The following MEDAG variants were observed in gnomAD, a reference collection of about 807,000 sequenced individuals.
The protein encoded by MEDAG is mesenteric estrogen-dependent adipogenesis protein.
Under a neutral mutation model 29.9 loss-of-function variants are expected in MEDAG, and 25 were observed. That is an observed-to-expected ratio of 0.84 (90% confidence interval 0.61 to 1.17). The LOEUF is 1.17. Ranked by LOEUF, MEDAG falls within the 50% of genes most tolerant of loss-of-function variation. The pLI, the probability that MEDAG is intolerant of heterozygous loss-of-function variation, is 0.00. For missense variants in MEDAG, 398 were observed against 372.9 expected (o/e 1.07, Z -0.56); for synonymous variants, 158 against 148.2 (o/e 1.07, Z -0.48).
At chr13:30,907,304 C>G (rs537996869) in intron 1 of MEDAG, among the ~76,000 whole-genome samples, 25 of 152,352 alleles carry the variant, frequency 1.6e-4, no homozygotes, top group African/African-American at 5.5e-4. Context: ...TCAAAGTTTC[C>G]CATCTCTGGC....
At chr13:30,919,006 A>C (rs1189717913) in intron 2 of MEDAG, among the ~76,000 whole-genome samples, 1 of 152,228 alleles carries the variant, frequency 6.6e-6, no homozygotes, top group African/African-American at 2.4e-5. Flanking sequence ...AGCCCTCTTC[A>C]TTTTAACATT....
chr13:30,906,712 C>A lies in MEDAG; in HGVS notation c.197C>A (p.Ala66Glu). Residue 66 changes from alanine (A) to glutamate (E), a missense_variant, in exon 1 of 5, where the codon GCG (alanine) becomes GAG (glutamate). Physicochemically the swap from Ala to Glu is moderately radical, Grantham distance 107. Transcript: ENST00000380482. The part of the protein sequence containing the change: ...VVARPGEPAA[A>E]RGGFNVFGDG... ...GCCAGGCCCGGGGAGCCGGCGGCGGCGCGGGGGGGCTTCAACGTCTTCGGT... is the reference window on the plus strand; with the variant it reads ...GCCAGGCCCGGGGAGCCGGCGGCGGAGCGGGGGGGCTTCAACGTCTTCGGT... 1.3e-6 allele frequency: 2 copies of A among 1,514,992 alleles called. No homozygotes were observed. Among genetic ancestry groups the A allele is most frequent in the Non-Finnish European group, 1.8e-6 (2 of 1,140,548 alleles). 93.8% of individuals were successfully genotyped at this position (1,514,992 alleles called of 1,614,324 possible). A position where few individuals can be genotyped will look rare whatever the true frequency, so the allele number is the denominator to read the frequency against.
intron 1 of MEDAG, among the ~76,000 whole-genome samples, chr13:30,908,510 C>T (rs1952850620): frequency 6.6e-6 from 1 of 152,168 alleles, no homozygotes; most frequent in Non-Finnish European, 1.5e-5. Flanking sequence ...TGGAGACAGC[C>T]TTCCAGGCAG....
At chr13:30,920,748 C>A (rs1952975626) in intron 2 of MEDAG, among the ~76,000 whole-genome samples, 1 of 152,154 alleles carries the variant, frequency 6.6e-6, no homozygotes, top group Admixed American at 6.5e-5. Context: ...TCTGAGACTC[C>A]AGTTACAAAC....
At chr13:30,919,733 T>A (rs1298676140) in intron 2 of MEDAG, among the ~76,000 whole-genome samples, 1 of 152,164 alleles carries the variant, frequency 6.6e-6, no homozygotes. Flanking sequence ...AAAGTCAGTG[T>A]AAAACACTGA....
intron 1 of MEDAG, among the ~76,000 whole-genome samples, chr13:30,909,679 T>C (rs1417034344): frequency 6.6e-6 from 1 of 152,184 alleles, no homozygotes; most frequent in African/African-American, 2.4e-5. Flanking sequence ...TCTTTTTAAC[T>C]CAACAAATAT....
chr13:30,913,568 C>T (rs1952900688), intron 1 of MEDAG, among the ~76,000 whole-genome samples: 1 of 152,052 alleles, frequency 6.6e-6, no homozygotes, highest in Admixed American at 6.6e-5. Context: ...TGAAGCCAAG[C>T]TTAGAAACTT....
Position 30,921,057 on chromosome 13 carries a change from A to G in MEDAG, c.432A>G (p.Ile144Met), listed in dbSNP as rs2138127305. The G allele has an allele frequency of 6.2e-7, 1 of 1,614,170 alleles. No homozygotes were observed. Among genetic ancestry groups the G allele is most frequent in the Non-Finnish European group, 8.5e-7 (1 of 1,179,996 alleles). ...TTGTAAACACGAGGCACCCCAAGAT[A>G]AGAAGACAGATAGAGCAAGGGATGG... ...AFLVNTRHPK[I>M]RRQIEQGMDM... The change falls in exon 3 of 5, where the codon ATA becomes ATG. Residue 144 changes from isoleucine to methionine, a missense_variant. By Grantham distance (10) the Ile-to-Met change is conservative (BLOSUM62 1). Transcript: ENST00000380482.
chr13:30,911,347 C>T (rs1952880223), intron 1 of MEDAG, among the ~76,000 whole-genome samples: 1 of 152,232 alleles, frequency 6.6e-6, no homozygotes, highest in Admixed American at 6.5e-5. Flanking sequence ...TGCCACCTGA[C>T]CATCTTTCCT....
chr13:30,920,325 C>T (rs1055039795), intron 2 of MEDAG, among the ~76,000 whole-genome samples: 3 of 152,158 alleles, frequency 2.0e-5, no homozygotes, highest in Non-Finnish European at 4.4e-5. Flanking sequence ...GTGGCTTATG[C>T]CTATAATCCC....
At chr13:30,910,193 A>AACACAC (rs77242350) in intron 1 of MEDAG, among the ~76,000 whole-genome samples, 45,387 of 149,088 alleles carry the variant, frequency 0.3, 7,677 homozygotes, top group East Asian at 0.43. Flanking sequence ...CACACACACA[A>AACACAC]ACACACACAC....
In MEDAG at chr13:30,925,177, GTCCTCCTTATTGAAAACACA is replaced by G. The variant is rs1186634613; in HGVS notation, c.*744_*763del. On this transcript the variant is annotated 3_prime_UTR_variant, in exon 5 of 5. Transcript: ENST00000380482. ...GGGGAAGGGTATTGGACACGGCAGCGTCCTCCTTATTGAAAACACATTATGTCAGTTGGGAATTTTAAATA... is the reference window on the plus strand; with the variant it reads ...GGGGAAGGGTATTGGACACGGCAGCGTTATGTCAGTTGGGAATTTTAAATA... The G allele has an allele frequency of 6.6e-6, 1 of 152,118 alleles. No homozygotes were observed. Among genetic ancestry groups the G allele is most frequent in the African/African-American group, 2.4e-5 (1 of 41,418 alleles). The allele number at this position is 152,118 out of a possible 1,614,324, so 9.4% of individuals were successfully genotyped here. A position where few individuals can be genotyped will look rare whatever the true frequency, so the allele number is the denominator to read the frequency against.
In MEDAG at chr13:30,922,124, G is replaced by T. The variant is rs539358882; in HGVS notation, c.787+278G>T. The T allele has an allele frequency of 2.4e-5, 6 of 247,464 alleles. No homozygotes were observed. In the South Asian group the frequency reaches 5.3e-4, roughly 22 times the overall value. 15.3% of individuals were successfully genotyped at this position (247,464 alleles called of 1,614,324 possible). A position where few individuals can be genotyped will look rare whatever the true frequency, so the allele number is the denominator to read the frequency against. On this transcript the variant is annotated intron_variant, in intron 4 of 4. Coordinates refer to ENST00000380482, the MANE Select transcript of MEDAG (RefSeq NM_032849.4). Reference sequence around the variant, plus strand: ...ATTATTATTAATTTAAATGAGTATTGATGATCATTTAAATATTATTGGCAA... The same window carrying T: ...ATTATTATTAATTTAAATGAGTATTTATGATCATTTAAATATTATTGGCAA...
At chr13:30,919,668 C>T (rs930670058) in intron 2 of MEDAG, among the ~76,000 whole-genome samples, 3 of 152,158 alleles carry the variant, frequency 2.0e-5, no homozygotes, top group Non-Finnish European at 1.5e-5. Context: ...ATGCCTTCCT[C>T]GAGGACGTAA....
In MEDAG at chr13:30,914,285, A is replaced by C. The variant is rs374251114; in HGVS notation, c.279-3118A>C. Among the ~76,000 whole-genome samples, 120 of 152,332 alleles carry C rather than the reference A, an allele frequency of 7.9e-4. 2 individuals carry two copies. In the South Asian group the frequency reaches 0.024, roughly 31 times the overall value. Reference sequence around the variant, plus strand: ...TAACTGGGAGGCTGGGGATGGAGGAATTAATGAGGTATTTCTTATCTGTGG... The same window carrying C: ...TAACTGGGAGGCTGGGGATGGAGGACTTAATGAGGTATTTCTTATCTGTGG... On this transcript the variant is annotated intron_variant, in intron 1 of 4. Transcript: ENST00000380482.
chr13:30,911,471 C>T (rs1027000215), intron 1 of MEDAG, among the ~76,000 whole-genome samples: 5 of 152,152 alleles, frequency 3.3e-5, no homozygotes, highest in African/African-American at 1.2e-4. Context: ...CGTGCAGCCA[C>T]CCCATAGTCC....
In MEDAG at chr13:30,917,525, A is replaced by G. The variant is rs1012754210; in HGVS notation, c.388+13A>G. On this transcript the variant is annotated intron_variant, in intron 2 of 4. Coordinates refer to ENST00000380482, the MANE Select transcript of MEDAG (RefSeq NM_032849.4). ...GACACCTCAAAAGGTAAGTATCTAT[A>G]TTAGTCCATTTTCACACTGCTATAA... 1 of 1,390,034 alleles carries G rather than the reference A, an allele frequency of 7.2e-7. No individual in the cohort carries two copies. The highest frequency in any genetic ancestry group is 1.4e-5 in the African/African-American group (1 of 69,730). 86.1% of individuals were successfully genotyped at this position (1,390,034 alleles called of 1,614,324 possible).
chr13:30,911,335 T>A (rs977548606), intron 1 of MEDAG, among the ~76,000 whole-genome samples: 1 of 152,090 alleles, frequency 6.6e-6, no homozygotes, highest in African/African-American at 2.4e-5. Context: ...TCTACAGCAA[T>A]GTGCCACCTG....
intron 2 of MEDAG, among the ~76,000 whole-genome samples, 195 bp downstream of exon 2, chr13:30,917,707 G>A (rs7982266): frequency 0.3 from 46,041 of 151,918 alleles, 7,360 homozygotes; most frequent in African/African-American, 0.41. Context: ...ATGGAGCAGG[G>A]GGAAGAGAGC....
Sources: gnomAD v4.1 joint callset for allele counts (sites outside exome capture counted in the v4.1 genomes callset) on GRCh38, gnomAD v4.1.1 for gene constraint, MANE v1.5 for transcripts, NCBI Gene and HGNC (gene_info 2026-07-23, HGNC 2026-07-21) for gene names.